ASB1: variants seen among roughly 807,000 people sequenced by gnomAD.
The protein encoded by ASB1 is ankyrin repeat and SOCS box protein 1.
ASB1 carries 18 observed loss-of-function variants against 27.7 expected under a neutral mutation model. The ratio of observed to expected loss-of-function variants is 0.65; its 90% CI spans 0.45 to 0.96. The LOEUF is 0.96. ASB1 is among the 50% of genes least tolerant of loss of function. The pLI is 0.00. For synonymous variants in ASB1, 189 were observed against 187.6 expected, an observed-to-expected ratio of 1.01 and a Z score of -0.06; for missense variants, 397 against 451.7, an observed-to-expected ratio of 0.88 and a Z score of 1.10.
chr2:238,430,221 A>C (rs907246135), intron 1 of ASB1, among the ~76,000 whole-genome samples: 2 of 152,202 alleles, frequency 1.3e-5, no homozygotes, highest in South Asian at 4.1e-4. Context: ...TTTTACCCAC[A>C]GTAGCGCTTC....
At chr2:238,437,132 C>T (rs1701987135) in intron 3 of ASB1, among the ~76,000 whole-genome samples, 1 of 151,906 alleles carries the variant, frequency 6.6e-6, no homozygotes, top group Non-Finnish European at 1.5e-5. Context: ...GGGTCTGTTT[C>T]TGTTATCTTT....
chr2:238,445,030 G>A (rs1005109033), intron 4 of ASB1, among the ~76,000 whole-genome samples: 1 of 139,860 alleles, frequency 7.2e-6, no homozygotes, highest in Non-Finnish European at 1.5e-5. Flanking sequence ...CACCCAGACT[G>A]GAGTACAGTG....
At chr2:238,438,222 C>T (rs1296148795) in intron 3 of ASB1, among the ~76,000 whole-genome samples, 2 of 7,990 alleles carry the variant, frequency 2.5e-4, no homozygotes, top group Non-Finnish European at 4.6e-4. Flanking sequence ...TTTTTTGAGA[C>T]GGAGTCTCAC....
chr2:238,427,052 C>G lies in ASB1; in HGVS notation c.-19C>G, dbSNP rs1291057489. 2.4e-6 allele frequency: 3 copies of G among 1,259,676 alleles called. No individual in the cohort carries two copies. Among genetic ancestry groups the G allele is most frequent in the African/African-American group, 1.6e-5 (1 of 64,338 alleles). 78.0% of individuals were successfully genotyped at this position (1,259,676 alleles called of 1,614,324 possible). On this transcript the variant is annotated 5_prime_UTR_variant, in exon 1 of 5. Transcript: ENST00000264607. ...GGGGCGTGCGCGGGTCAGGGGCGGC[C>G]GCGGAGGCGGAAGCATCCATGGCGG... is the stretch of plus-strand genomic sequence containing the variant.
At chr2:238,435,428 A>G (rs1425288394) in intron 2 of ASB1, among the ~76,000 whole-genome samples, 1 of 152,204 alleles carries the variant, frequency 6.6e-6, no homozygotes, top group Admixed American at 6.5e-5. Flanking sequence ...GGCACTTCAG[A>G]TGGCAGTCAG....
chr2:238,430,157 C>T (rs1575000380), intron 1 of ASB1, among the ~76,000 whole-genome samples: 1 of 152,268 alleles, frequency 6.6e-6, no homozygotes, highest in East Asian at 1.9e-4. Context: ...GCCATATCGT[C>T]TGGCTCTTCC....
intron 1 of ASB1, among the ~76,000 whole-genome samples, chr2:238,431,997 C>G (rs12165174): frequency 0.14 from 21,122 of 152,148 alleles, 2,723 homozygotes; most frequent in African/African-American, 0.34. Flanking sequence ...AAAAGACTTG[C>G]TCAGCACAGG....
intron 3 of ASB1, among the ~76,000 whole-genome samples, chr2:238,440,216 A>G (rs1702052962): frequency 6.6e-6 from 1 of 152,202 alleles, no homozygotes; most frequent in Non-Finnish European, 1.5e-5. Flanking sequence ...TTAGTGAAGA[A>G]TGGTGTGCAG....
chr2:238,427,125 G>C lies in ASB1; in HGVS notation c.49+6G>C, dbSNP rs929509115. 3.2e-6 allele frequency: 4 copies of C among 1,248,218 alleles called. No homozygotes were observed. The South Asian group carries it at 9.6e-5, about 30-fold the overall frequency. 77.3% of individuals were successfully genotyped at this position (1,248,218 alleles called of 1,614,324 possible). On this transcript the variant is annotated splice_donor_region_variant and intron_variant, in intron 1 of 4. Coordinates refer to ENST00000264607, the MANE Select transcript of ASB1 (RefSeq NM_001040445.3). ...GGCAGGGCCGGGCTCCGCAGGTAAC[G>C]TGCGCGCGGCCACTGGGCCGCGGGG...
chr2:238,438,492 G>A (rs1446284792), intron 3 of ASB1, among the ~76,000 whole-genome samples: 1 of 152,212 alleles, frequency 6.6e-6, no homozygotes, highest in African/African-American at 2.4e-5. Flanking sequence ...GAGCCACCGC[G>A]CCCGGCCACA....
At position 238,444,711 on chromosome 2, in the gene ASB1, C is replaced by T. The variant is rs745792937; in HGVS notation, c.864C>T (p.Val288=). ...RRKVDPEALQ[V]FKEARSVPRT... ...AAGTGGACCCTGAGGCCTTGCAGGT[C>T]TTTAAAGAGGCCAGAAGTAAGTGGC... The change falls in exon 4 of 5, where the codon GTC becomes GTT. Residue 288 remains valine, a synonymous_variant. Coordinates refer to ENST00000264607, the MANE Select transcript of ASB1 (RefSeq NM_001040445.3). 1 of 1,611,162 alleles carries T rather than the reference C, an allele frequency of 6.2e-7. No individual in the cohort carries two copies.
At chr2:238,439,509 T>C (rs1213285467) in intron 3 of ASB1, among the ~76,000 whole-genome samples, 1 of 152,146 alleles carries the variant, frequency 6.6e-6, no homozygotes, top group East Asian at 1.9e-4. Context: ...GGTGACGCAG[T>C]TCTGTCCTCC....
chr2:238,440,153 TTGAC>T (rs1397176601), intron 3 of ASB1, among the ~76,000 whole-genome samples: 1 of 152,208 alleles, frequency 6.6e-6, no homozygotes, highest in African/African-American at 2.4e-5. Context: ...ATCTTGCACT[TTGAC>T]TGCCTCAGTC....
At chr2:238,446,185 A>C (rs920786601) in intron 4 of ASB1, among the ~76,000 whole-genome samples, 199 bp from the exon 5 acceptor site, 29 of 152,252 alleles carry the variant, frequency 1.9e-4, no homozygotes, top group African/African-American at 7.0e-4. Context: ...CAGAAGGAGC[A>C]GATAAGAAGA....
chr2:238,430,152 ATCG>A (rs1408357605), intron 1 of ASB1, among the ~76,000 whole-genome samples: 1 of 152,186 alleles, frequency 6.6e-6, no homozygotes, highest in East Asian at 1.9e-4. Flanking sequence ...AGTTTGCCAT[ATCG>A]TCTGGCTCTT....
chr2:238,427,411 T>G, intron 1 of ASB1: 1 of 323,792 alleles, frequency 3.1e-6, no homozygotes. Flanking sequence ...ACAGATTTGA[T>G]ATGACCCAAC....
rs1315558585 is a variant in ASB1, at chr2:238,446,501, T to C, written c.998T>C (p.Leu333Pro). The C allele has an allele frequency of 6.2e-7, 1 of 1,614,036 alleles. No homozygotes were observed. Among genetic ancestry groups the C allele is most frequent in the Non-Finnish European group, 8.5e-7 (1 of 1,180,018 alleles). The change falls in exon 5 of 5, where the codon CTC (leucine) becomes CCC (proline). Residue 333 changes from leucine (L) to proline (P), a missense_variant. Transcript: ENST00000264607. ...CCAGACCCCATAAAGAAGTTTCTAC[T>C]CCATGAGTAGACTCCAAGTGCTGCG... is the stretch of plus-strand genomic sequence containing the variant. ...PLPDPIKKFL[L>P]HE
intron 1 of ASB1, among the ~76,000 whole-genome samples, chr2:238,429,406 T>C (rs1050259621): frequency 9.9e-5 from 15 of 152,228 alleles, no homozygotes; most frequent in African/African-American, 3.6e-4. Flanking sequence ...GGTGAATAAC[T>C]CAATTATTTC....
chr2:238,434,963 C>A (rs1701939216), intron 2 of ASB1, among the ~76,000 whole-genome samples: 1 of 152,244 alleles, frequency 6.6e-6, no homozygotes, highest in Non-Finnish European at 1.5e-5. Context: ...CGAGGGCTGG[C>A]TTGGGAGCTG....
Sources: allele counts gnomAD v4.1 joint callset (sites outside exome capture counted in the v4.1 genomes callset), GRCh38; gene constraint gnomAD v4.1.1; transcripts MANE v1.5; gene names NCBI Gene and HGNC (gene_info 2026-07-23, HGNC 2026-07-21).